MARCHF1: variants seen among roughly 807,000 people sequenced by gnomAD.
MARCHF1 encodes E3 ubiquitin-protein ligase MARCHF1.
Under a neutral mutation model 54.2 loss-of-function variants are expected in MARCHF1, and 40 were observed. That is an observed-to-expected ratio of 0.74 (90% CI 0.57 to 0.96). MARCHF1 has a LOEUF of 0.96. Among genes scored for constraint, MARCHF1 ranks in the 40% least tolerant of loss-of-function variants. The probability of loss-of-function intolerance (pLI) is 0.00; values close to 1 mark genes in which losing one functional copy is unlikely to be tolerated. For synonymous variants in MARCHF1, 236 were observed against 236.3 expected, an observed-to-expected ratio of 1.00 and a Z score of 0.01; for missense variants, 586 against 656.5, an observed-to-expected ratio of 0.89 and a Z score of 1.17.
chr4:164,331,165 A>C (rs952430314), intron 1 of MARCHF1, among the ~76,000 whole-genome samples: 1 of 152,116 alleles, frequency 6.6e-6, no homozygotes, highest in African/African-American at 2.4e-5. Context: ...TTCTCTCCTA[A>C]GTGAATAGCA....
At chr4:163,814,920 T>C (rs1409300160) in intron 4 of MARCHF1, among the ~76,000 whole-genome samples, 1 of 152,170 alleles carries the variant, frequency 6.6e-6, no homozygotes, top group Non-Finnish European at 1.5e-5. Context: ...ATATCATTAG[T>C]TATTATAATA....
intron 1 of MARCHF1, among the ~76,000 whole-genome samples, chr4:164,378,386 A>G (rs553725101): frequency 6.6e-6 from 1 of 152,234 alleles, no homozygotes; most frequent in African/African-American, 2.4e-5. Context: ...TTTTACCTAC[A>G]TGAGATTTGC....
intron 2 of MARCHF1, among the ~76,000 whole-genome samples, chr4:164,017,389 T>C (rs758512021): frequency 6.6e-6 from 1 of 152,038 alleles, no homozygotes; most frequent in Non-Finnish European, 1.5e-5. Flanking sequence ...ATTATCTTTA[T>C]TCTAAAAACA....
At chr4:163,541,278 T>C (rs1161502106) in intron 9 of MARCHF1, among the ~76,000 whole-genome samples, 1 of 152,278 alleles carries the variant, frequency 6.6e-6, no homozygotes, top group African/African-American at 2.4e-5. Context: ...TTTGTTATGC[T>C]AGTCCCTTAT....
intron 2 of MARCHF1, among the ~76,000 whole-genome samples, chr4:164,050,244 C>T (rs1269585418): frequency 7.5e-6 from 1 of 132,698 alleles, no homozygotes. Flanking sequence ...CACTGCATTC[C>T]AGCCTGGGCG....
chr4:163,697,372 G>T (rs143853643), intron 5 of MARCHF1, among the ~76,000 whole-genome samples: 1 of 152,158 alleles, frequency 6.6e-6, no homozygotes, highest in Non-Finnish European at 1.5e-5. Context: ...GGCTAATCTT[G>T]CCACAGGCTA....
chr4:164,146,275 C>T (rs1005175274), intron 1 of MARCHF1, among the ~76,000 whole-genome samples: 146 of 147,908 alleles, frequency 9.9e-4, no homozygotes, highest in Middle Eastern at 3.5e-3. Flanking sequence ...TCCATGCCAT[C>T]CCCATCAAGC....
Position 164,334,063 on chromosome 4 carries a change from G to T in MARCHF1, c.-323+49807C>A, listed in dbSNP as rs111494521. Reference sequence around the variant, plus strand: ...AGAAAAGTTGGAAGCTAGCAGAGGTGGGTTCATGAGGCTTAAGGAAAGAAG... The same window carrying T: ...AGAAAAGTTGGAAGCTAGCAGAGGTTGGTTCATGAGGCTTAAGGAAAGAAG... On this transcript the variant is annotated intron_variant, in intron 1 of 9. Coordinates refer to ENST00000514618, the MANE Select transcript of MARCHF1 (RefSeq NM_001394959.1). 1.3e-3 allele frequency among the ~76,000 whole-genome samples: 195 copies of T among 152,282 alleles called. 1 individual carries two copies. Among genetic ancestry groups the T allele is most frequent in the Middle Eastern group, 6.8e-3 (2 of 294 alleles).
intron 1 of MARCHF1, among the ~76,000 whole-genome samples, chr4:164,300,665 C>G (rs879346896): frequency 2.0e-5 from 3 of 152,082 alleles, no homozygotes; most frequent in African/African-American, 7.2e-5. Context: ...CCTCACCCTC[C>G]GACTAGCTGG....
At chr4:164,317,759 G>A (rs572591943) in intron 1 of MARCHF1, among the ~76,000 whole-genome samples, 1 of 152,314 alleles carries the variant, frequency 6.6e-6, no homozygotes, top group African/African-American at 2.4e-5. Flanking sequence ...TTGCGAGTGG[G>A]CAAGTTTTTT....
At chr4:164,077,575 G>C (rs945497259) in intron 2 of MARCHF1, among the ~76,000 whole-genome samples, 5 of 151,966 alleles carry the variant, frequency 3.3e-5, no homozygotes, top group South Asian at 4.1e-4. Context: ...AAAGAAAGTA[G>C]CATCAGAGTG....
At position 163,612,969 on chromosome 4, in the gene MARCHF1, A is replaced by G. The variant is rs889966568; in HGVS notation, c.312T>C (p.Pro104=). The G allele has an allele frequency of 6.5e-7, 1 of 1,533,928 alleles. No individual in the cohort carries two copies. The highest frequency in any genetic ancestry group is 1.4e-5 in the African/African-American group (1 of 72,892). The stretch of plus-strand genomic sequence containing the variant: ...ATTTCTTACCAGACTCCTTCCTAGC[A>G]GGGCTCAGCACCATGACAGGGGTGC... ...EYCTPVMVLS[P]ARKESGKKSV... is the part of the protein sequence containing the mutation. The change falls in exon 7 of 10, where the codon CCT becomes CCC. Residue 104 remains proline (P), a synonymous_variant. Coordinates refer to ENST00000514618, the MANE Select transcript of MARCHF1 (RefSeq NM_001394959.1).
intron 4 of MARCHF1, among the ~76,000 whole-genome samples, chr4:163,702,806 G>T (rs1482011012): frequency 6.6e-6 from 1 of 152,100 alleles, no homozygotes; most frequent in African/African-American, 2.4e-5. Flanking sequence ...ATAAGGTCAG[G>T]CATTGAAATA....
chr4:163,716,561 C>T (rs991168845), intron 4 of MARCHF1, among the ~76,000 whole-genome samples: 9 of 152,158 alleles, frequency 5.9e-5, no homozygotes, highest in African/African-American at 1.4e-4. Flanking sequence ...TATTAATACA[C>T]GCCTTTTGCC....
At chr4:163,769,175 G>T (rs1298546633) in intron 4 of MARCHF1, among the ~76,000 whole-genome samples, 1 of 152,042 alleles carries the variant, frequency 6.6e-6, no homozygotes, top group African/African-American at 2.4e-5. Context: ...ACACATTTCT[G>T]ATATAGACAT....
intron 9 of MARCHF1, among the ~76,000 whole-genome samples, chr4:163,541,635 C>T (rs719307): frequency 0.78 from 118,445 of 152,138 alleles, 46,544 homozygotes; most frequent in East Asian, 0.89. Flanking sequence ...TTTTTTTTCT[C>T]TCCAGGATCA....
intron 1 of MARCHF1, among the ~76,000 whole-genome samples, chr4:164,333,400 T>C (rs890930057): frequency 6.6e-6 from 1 of 152,210 alleles, no homozygotes; most frequent in African/African-American, 2.4e-5. Context: ...AAGCATGTAC[T>C]CACTTTGTAT....
chr4:164,197,653 T>C (rs1488490506), intron 1 of MARCHF1: 2 of 1,612,722 alleles, frequency 1.2e-6, no homozygotes, highest in Admixed American at 3.3e-5. Context: ...GGCAAGTTCT[T>C]TCACATCAGA....
intron 8 of MARCHF1, among the ~76,000 whole-genome samples, chr4:163,577,307 G>A (rs1740072715): frequency 6.6e-6 from 1 of 151,966 alleles, no homozygotes; most frequent in Non-Finnish European, 1.5e-5. Flanking sequence ...TTGCTTGTTT[G>A]GAAAATATTT....
Sources: allele counts gnomAD v4.1 joint callset (sites outside exome capture counted in the v4.1 genomes callset), GRCh38; gene constraint gnomAD v4.1.1; transcripts MANE v1.5; gene names NCBI Gene and HGNC (gene_info 2026-07-23, HGNC 2026-07-21).